POLR1A: variants seen among roughly 807,000 people sequenced by gnomAD.
The protein encoded by POLR1A is DNA-directed RNA polymerase I subunit RPA1.
POLR1A carries 84 observed loss-of-function variants against 205.3 expected under a neutral mutation model. The ratio of observed to expected loss-of-function variants is 0.41; its 90% CI spans 0.34 to 0.49. The LOEUF (loss-of-function observed/expected upper bound fraction) is 0.49. POLR1A is among the 20% of genes least tolerant of loss of function. POLR1A has a pLI of 0.22. For missense variants in POLR1A, 1,645 were observed against 2,204.5 expected (o/e 0.75, Z 5.08); for synonymous variants, 799 against 863.7 (o/e 0.93, Z 1.31).
rs1432818689 is a variant in POLR1A at position 86,078,160 on chromosome 2, C to T, written c.1211G>A (p.Ser404Asn). 4 of 1,612,754 alleles carry T rather than the reference C, an allele frequency of 2.5e-6. No individual in the cohort carries two copies. In the South Asian group the frequency reaches 3.3e-5, roughly 13 times the overall value. Residue 404 changes from serine (S) to asparagine (N), a missense_variant, in exon 10 of 34, where the codon AGC becomes AAC. By Grantham distance (46) the Ser-to-Asn change is conservative. Coordinates refer to ENST00000263857, the MANE Select transcript of POLR1A (RefSeq NM_015425.6). ...LQSHVNIVFD[S>N]EMDKLMMDKY... ...GTCCATCATTAGTTTGTCCATCTCG[C>T]TATCAAACACAATATTGACGTGGCT...
intron 27 of POLR1A, among the ~76,000 whole-genome samples, chr2:86,035,840 G>T (rs1362991511): frequency 6.6e-6 from 1 of 152,216 alleles, no homozygotes; most frequent in Non-Finnish European, 1.5e-5. Context: ...TGCCTTCCCT[G>T]CCTCTTTTGG....
chr2:86,058,900 T>G (rs1672948328), intron 14 of POLR1A, among the ~76,000 whole-genome samples: 1 of 152,024 alleles, frequency 6.6e-6, no homozygotes, highest in Non-Finnish European at 1.5e-5. Flanking sequence ...GAGGATCACT[T>G]GAGGCCAGGG....
Position 86,020,607 on chromosome 2 carries a change from T to C in POLR1A, c.*6816A>G, listed in dbSNP as rs112934091. On this transcript the variant is annotated 3_prime_UTR_variant, in exon 34 of 34. Coordinates refer to ENST00000263857, the MANE Select transcript of POLR1A (RefSeq NM_015425.6). ...TTCATCTATCAGAATGGCTAAAATG[T>C]AAATGATTCCACTTTGTAAAATAAA... 2 of 149,432 alleles carry C rather than the reference T, an allele frequency of 1.3e-5. No homozygotes were observed. Among genetic ancestry groups the C allele is most frequent in the Non-Finnish European group, 1.5e-5 (1 of 67,614 alleles). 9.3% of individuals were successfully genotyped at this position (149,432 alleles called of 1,614,324 possible).
At chr2:86,064,046 G>A (rs1198955540) in intron 14 of POLR1A, among the ~76,000 whole-genome samples, 1 of 152,180 alleles carries the variant, frequency 6.6e-6, no homozygotes, top group Non-Finnish European at 1.5e-5. Flanking sequence ...TATGCCCAGA[G>A]GCCACATCTT....
At chr2:86,049,269 A>G in intron 16 of POLR1A, 27 bp from the exon 17 acceptor site, 1 of 1,541,466 alleles carries the variant, frequency 6.5e-7, no homozygotes, top group Non-Finnish European at 9.0e-7. Context: ...ACAAGCTTGT[A>G]GGCGACCTCA....
At chr2:86,062,911 T>C (rs1343922735) in intron 14 of POLR1A, among the ~76,000 whole-genome samples, 6 of 152,186 alleles carry the variant, frequency 3.9e-5, no homozygotes, top group Non-Finnish European at 5.9e-5. Flanking sequence ...AACAACTTTG[T>C]GCCTATAAAT....
At chr2:86,072,809 C>A (rs1248756219) in intron 12 of POLR1A, among the ~76,000 whole-genome samples, 1 of 152,226 alleles carries the variant, frequency 6.6e-6, no homozygotes, top group Non-Finnish European at 1.5e-5. Flanking sequence ...CCCCTCCTCA[C>A]CTAGCCTGTG....
chr2:86,059,344 T>G (rs978870122), intron 14 of POLR1A, among the ~76,000 whole-genome samples: 1 of 152,206 alleles, frequency 6.6e-6, no homozygotes, highest in Non-Finnish European at 1.5e-5. Flanking sequence ...GAGTTCCCTT[T>G]GGAGGACTTG....
chr2:86,033,807 A>C lies in POLR1A; in HGVS notation c.4035-20T>G. The C allele has an allele frequency of 6.2e-7, 1 of 1,613,068 alleles. No homozygotes were observed. Among genetic ancestry groups the C allele is most frequent in the Non-Finnish European group, 8.5e-7 (1 of 1,179,742 alleles). ...AAGAATCTAAAACAAGAAGAAAGCCAAAAAGCCCTGTGCAGTACCAGCATG... is the reference window on the plus strand; with the variant it reads ...AAGAATCTAAAACAAGAAGAAAGCCCAAAAGCCCTGTGCAGTACCAGCATG... On this transcript the variant is annotated intron_variant, in intron 27 of 33. Transcript: ENST00000263857.
intron 12 of POLR1A, among the ~76,000 whole-genome samples, chr2:86,074,361 A>C (rs1226725626): frequency 6.6e-6 from 1 of 152,174 alleles, no homozygotes; most frequent in East Asian, 1.9e-4. Flanking sequence ...TGTGGGTTAC[A>C]TCCAAGTCGA....
chr2:86,042,957 C>G lies in POLR1A; in HGVS notation c.3357+17G>C. 1 of 1,586,692 alleles carries G rather than the reference C, an allele frequency of 6.3e-7. No individual in the cohort carries two copies. Among genetic ancestry groups the G allele is most frequent in the African/African-American group, 1.3e-5 (1 of 74,502 alleles). ...CTGGACGTGCTGGACATTAAGGACA[C>G]CACCTCCCTGCATCACCTCCTGAGT... On this transcript the variant is annotated intron_variant, in intron 23 of 33. Coordinates refer to ENST00000263857, the MANE Select transcript of POLR1A (RefSeq NM_015425.6).
intron 14 of POLR1A, among the ~76,000 whole-genome samples, chr2:86,064,015 TTGC>T (rs1447964396): frequency 6.6e-6 from 1 of 152,250 alleles, no homozygotes; most frequent in African/African-American, 2.4e-5. Flanking sequence ...AATATCTTGG[TTGC>T]TGATTTCCAA....
Position 86,043,213 on chromosome 2 carries a change from A to C in POLR1A, c.3136-18T>G, listed in dbSNP as rs532865350. ...ATTATCACCTAAACAAACAAACAAA[A>C]AAACAAACAAACAAATCACACACAT... On this transcript the variant is annotated intron_variant, in intron 22 of 33. Transcript: ENST00000263857. The C allele has an allele frequency of 1.3e-5, 21 of 1,577,466 alleles. No homozygotes were observed. Among genetic ancestry groups the C allele is most frequent in the African/African-American group, 8.1e-5 (6 of 74,230 alleles).
At position 86,054,182 on chromosome 2, in the gene POLR1A, T is replaced by C. The variant is rs1672855939; in HGVS notation, c.2166A>G (p.Arg722=). Residue 722 remains arginine (R), a synonymous_variant, in exon 15 of 34, where the codon CGA becomes CGG. Transcript: ENST00000263857. ...AGTCAGGGTTAAAGCCAGGAACGGA[T>C]CGAGGAGTTTCCTTCACCCAGGCTT... ...TGKAWVKETP[R]SVPGFNPDSM... is the part of the protein sequence containing the mutation. The C allele has an allele frequency of 6.2e-7, 1 of 1,613,838 alleles. No homozygotes were observed. Among genetic ancestry groups the C allele is most frequent in the Non-Finnish European group, 8.5e-7 (1 of 1,179,898 alleles).
chr2:86,040,459 G>A lies in POLR1A; in HGVS notation c.3673C>T (p.Gln1225Ter). 1 of 1,613,662 alleles carries A rather than the reference G, an allele frequency of 6.2e-7. No individual in the cohort carries two copies. Among genetic ancestry groups the A allele is most frequent in the Non-Finnish European group, 8.5e-7 (1 of 1,179,796 alleles). Residue 1225 changes from glutamine (Q) to a stop codon, truncating the protein, a stop_gained, in exon 25 of 34, where the codon CAG (glutamine) becomes TAG (stop). Transcript: ENST00000263857. LOFTEE classifies it high-confidence loss of function. The stretch of plus-strand genomic sequence containing the variant: ...AAGTGGAAGGTGTTGAGGGTCATCT[G>A]GGTGGAGGGCTCTCCGATGCTCTGG... ...AAQSIGEPSTQMTLNTFHFAG... is the reference protein window; with the variant it reads ...AAQSIGEPST
intron 14 of POLR1A, among the ~76,000 whole-genome samples, chr2:86,064,445 T>C (rs1344785244): frequency 6.6e-6 from 1 of 152,208 alleles, no homozygotes; most frequent in Non-Finnish European, 1.5e-5. Flanking sequence ...ACATATCATG[T>C]AATTTGGTTA....
At chr2:86,033,505 C>T (rs961325757) in intron 28 of POLR1A, among the ~76,000 whole-genome samples, 156 bp downstream of exon 28, 1 of 152,238 alleles carries the variant, frequency 6.6e-6, no homozygotes, top group African/African-American at 2.4e-5. Context: ...GTGAATGCTG[C>T]TTCTGGGCTC....
At chr2:86,055,497 G>C (rs1672880402) in intron 14 of POLR1A, among the ~76,000 whole-genome samples, 2 of 152,222 alleles carry the variant, frequency 1.3e-5, no homozygotes, top group Admixed American at 6.5e-5. Flanking sequence ...CCAGCACTGT[G>C]CGGTGAGTGG....
chr2:86,059,280 ATT>A (rs1221550877), intron 14 of POLR1A, among the ~76,000 whole-genome samples: 3 of 152,216 alleles, frequency 2.0e-5, no homozygotes, highest in African/African-American at 7.2e-5. Flanking sequence ...TTCTTGCCAT[ATT>A]TAGAGTGTGT....
Sources: allele counts gnomAD v4.1 joint callset (sites outside exome capture counted in the v4.1 genomes callset), GRCh38; gene constraint gnomAD v4.1.1; transcripts MANE v1.5; gene names NCBI Gene and HGNC (gene_info 2026-07-23, HGNC 2026-07-21).